The following SLC25A20 variants were observed in gnomAD, a reference collection of about 807,000 sequenced individuals.
The protein encoded by SLC25A20 is solute carrier family 25 member 20.
A neutral mutation model predicts 39.7 loss-of-function variants in SLC25A20; 29 were observed. That is an observed-to-expected ratio of 0.73 (90% confidence interval 0.54 to 1.00). The LOEUF (loss-of-function observed/expected upper bound fraction) is 1.00. Ranked by LOEUF, SLC25A20 falls within the 50% of genes least tolerant of loss-of-function variation. SLC25A20 has a pLI of 0.00. For missense variants in SLC25A20, 333 were observed against 379.9 expected, an observed-to-expected ratio of 0.88 and a Z score of 1.03; for synonymous variants, 103 against 142.2, an observed-to-expected ratio of 0.72 and a Z score of 1.96.
intron 4 of SLC25A20, among the ~76,000 whole-genome samples, chr3:48,874,020 G>A (rs372645552): frequency 6.6e-4 from 100 of 150,528 alleles, no homozygotes; most frequent in Middle Eastern, 3.5e-3. Flanking sequence ...CGAGCATGAT[G>A]GCTCATTCCT....
In SLC25A20 at chr3:48,884,082, C is replaced by T. The variant is rs778739484; in HGVS notation, c.241G>A (p.Gly81Arg). Reference sequence around the variant, plus strand: ...CACACGGCAAACATGGGAGTGACCCCGATGATAGGGGCAGCCATTCCCCGA... The same window carrying T: ...CACACGGCAAACATGGGAGTGACCCTGATGATAGGGGCAGCCATTCCCCGA... Reference protein sequence around the residue: ...LYRGMAAPIIGVTPMFAVCFF... With the variant: ...LYRGMAAPIIRVTPMFAVCFF... Residue 81 changes from glycine to arginine, a missense_variant, in exon 3 of 9, where the codon GGG (glycine) becomes AGG (arginine). Coordinates refer to ENST00000319017, the MANE Select transcript of SLC25A20 (RefSeq NM_000387.6). 4 of 1,613,706 alleles carry T rather than the reference C, an allele frequency of 2.5e-6. No individual in the cohort carries two copies. Among genetic ancestry groups the T allele is most frequent in the Non-Finnish European group, 3.4e-6 (4 of 1,179,824 alleles).
chr3:48,897,138 G>C (rs1432726555), intron 1 of SLC25A20, among the ~76,000 whole-genome samples: 3 of 146,664 alleles, frequency 2.0e-5, no homozygotes, highest in South Asian at 2.1e-4. Context: ...GCTTTGATTG[G>C]AGCCCACCCA....
chr3:48,859,759 G>T, intron 5 of SLC25A20, 132 bp from the exon 6 acceptor site: 1 of 726,244 alleles, frequency 1.4e-6, no homozygotes. Context: ...GTCCGCGCTT[G>T]GCCTGAATTA....
At chr3:48,881,373 C>A (rs930059806) in intron 3 of SLC25A20, among the ~76,000 whole-genome samples, 4 of 152,296 alleles carry the variant, frequency 2.6e-5, no homozygotes, top group Admixed American at 1.3e-4. Flanking sequence ...GCTCAGCAAA[C>A]CTCATCTCTT....
In SLC25A20 at chr3:48,879,412, G is replaced by A. The variant is rs566702908; in HGVS notation, c.363C>T (p.Gly121=). 7 of 1,613,858 alleles carry A rather than the reference G, an allele frequency of 4.3e-6. No individual in the cohort carries two copies. The highest frequency in any genetic ancestry group is 5.1e-6 in the Non-Finnish European group (6 of 1,179,866). ...GAGTCATGATTCCTGTGGTGAATACGCCAGATAACATCCCAGCTGCAAAAA... is the reference window on the plus strand; with the variant it reads ...GAGTCATGATTCCTGTGGTGAATACACCAGATAACATCCCAGCTGCAAAAA... The part of the protein sequence containing the change: ...PQLFAAGMLS[G]VFTTGIMTPG... The change falls in exon 4 of 9, where the codon GGC becomes GGT. Residue 121 remains glycine (G), a synonymous_variant. Transcript: ENST00000319017.
At chr3:48,889,865 C>T (rs183814910) in intron 2 of SLC25A20, among the ~76,000 whole-genome samples, 4 of 152,028 alleles carry the variant, frequency 2.6e-5, no homozygotes, top group African/African-American at 9.7e-5. Flanking sequence ...AAGAAATAAC[C>T]GGCAGGTATA....
At chr3:48,884,624 A>G (rs1208746120) in intron 2 of SLC25A20, among the ~76,000 whole-genome samples, 1 of 152,194 alleles carries the variant, frequency 6.6e-6, no homozygotes, top group Non-Finnish European at 1.5e-5. Context: ...TGCTGGGATT[A>G]TAGGCATAAG....
At chr3:48,893,439 G>C (rs905308997) in intron 1 of SLC25A20, among the ~76,000 whole-genome samples, 41 of 152,088 alleles carry the variant, frequency 2.7e-4, no homozygotes, top group African/African-American at 9.9e-4. Context: ...GGGAGGCAGA[G>C]GTGGAAGGAT....
intron 1 of SLC25A20, among the ~76,000 whole-genome samples, chr3:48,897,366 T>A: frequency 9.6e-6 from 1 of 103,762 alleles, no homozygotes; most frequent in East Asian, 2.3e-4. Context: ...TATATATATA[T>A]ATTTTTTTTT....
chr3:48,893,779 C>G (rs1391738429), intron 1 of SLC25A20, among the ~76,000 whole-genome samples: 1 of 149,492 alleles, frequency 6.7e-6, no homozygotes, highest in Admixed American at 6.8e-5. Context: ...ATCTGCCTGC[C>G]TTAGCCTCCC....
intron 4 of SLC25A20, among the ~76,000 whole-genome samples, chr3:48,873,571 C>T (rs917313271): frequency 4.1e-5 from 6 of 147,296 alleles, no homozygotes; most frequent in African/African-American, 1.3e-4. Flanking sequence ...ATCGCACCAC[C>T]GCACTCCAGC....
intron 4 of SLC25A20, among the ~76,000 whole-genome samples, chr3:48,867,603 A>G (rs2083681544): frequency 6.6e-6 from 1 of 151,390 alleles, no homozygotes; most frequent in Non-Finnish European, 1.5e-5. Context: ...TTATGCCTTT[A>G]TTCCTGATGA....
intron 4 of SLC25A20, among the ~76,000 whole-genome samples, chr3:48,862,922 T>G (rs2083638450): frequency 6.6e-6 from 1 of 152,190 alleles, no homozygotes; most frequent in Admixed American, 6.6e-5. Flanking sequence ...CCGGGTGCAG[T>G]GGCTCATGCC....
At chr3:48,894,193 C>CTCTG in intron 1 of SLC25A20, among the ~76,000 whole-genome samples, 1 of 147,542 alleles carries the variant, frequency 6.8e-6, no homozygotes, top group South Asian at 2.2e-4. Flanking sequence ...TTCTCTCTCT[C>CTCTG]TCTCTCTCTC....
At chr3:48,866,843 G>C (rs2083673437) in intron 4 of SLC25A20, among the ~76,000 whole-genome samples, 1 of 151,924 alleles carries the variant, frequency 6.6e-6, no homozygotes, top group Non-Finnish European at 1.5e-5. Context: ...GCCCAGACTG[G>C]AGTGCAATGG....
chr3:48,878,262 CAAA>C (rs1257374907), intron 4 of SLC25A20, among the ~76,000 whole-genome samples: 4 of 106,874 alleles, frequency 3.7e-5, no homozygotes, highest in South Asian at 3.4e-4. Flanking sequence ...TCCATCTCCA[CAAA>C]AAAAAAAAAT....
chr3:48,860,058 T>A (rs919453275), intron 5 of SLC25A20, among the ~76,000 whole-genome samples: 1 of 152,096 alleles, frequency 6.6e-6, no homozygotes, highest in Non-Finnish European at 1.5e-5. Flanking sequence ...ATCCCAGCAC[T>A]TCGGGAGGCC....
rs752747443 is a variant in SLC25A20 at position 48,898,765 on chromosome 3, C to T, written c.30G>A (p.Pro10=). 9 of 1,601,272 alleles carry T rather than the reference C, an allele frequency of 5.6e-6. No homozygotes were observed. In the Admixed American group the frequency reaches 6.9e-5, roughly 12 times the overall value. ...AGCCGCCGGCCAGCAGGTTCTTGAG[C>T]GGGCTGATGGGTTTTGGCTGGTCGG... MADQPKPIS[P]LKNLLAGGFG... The change falls in exon 1 of 9, where the codon CCG becomes CCA. Residue 10 remains proline, a synonymous_variant. Transcript: ENST00000319017.
Position 48,862,914 on chromosome 3 carries a change from G to A in SLC25A20, c.418-255C>T, listed in dbSNP as rs7431857. Among the ~76,000 whole-genome samples the A allele has an allele frequency of 0.66, 100,672 of 152,160 alleles. 33,993 individuals carry two copies. Among genetic ancestry groups the A allele is most frequent in the East Asian group, 0.96 (4,974 of 5,194 alleles). The stretch of plus-strand genomic sequence containing the variant: ...ATTTGAAAAACAAGTTGAGGAGGCC[G>A]GGTGCAGTGGCTCATGCCTATAATC... On this transcript the variant is annotated intron_variant, in intron 4 of 8. Transcript: ENST00000319017.
Sources: gnomAD v4.1 joint callset for allele counts (sites outside exome capture counted in the v4.1 genomes callset) on GRCh38, gnomAD v4.1.1 for gene constraint, MANE v1.5 for transcripts, NCBI Gene and HGNC (gene_info 2026-07-23, HGNC 2026-07-21) for gene names.